The following UGGT1 variants were observed in gnomAD, a reference collection of about 807,000 sequenced individuals.
UGGT1 encodes the protein UDP-glucose:glycoprotein glucosyltransferase 1.
UGGT1 carries 107 observed loss-of-function variants against 203.9 expected under a neutral mutation model. That is an observed-to-expected ratio of 0.52 (90% confidence interval 0.45 to 0.62). UGGT1 has a LOEUF of 0.62. Among genes scored for constraint, UGGT1 ranks in the 20% least tolerant of loss-of-function variants. UGGT1 has a pLI of 0.00. For missense variants in UGGT1, 1,673 were observed against 1,867.2 expected (o/e 0.90, Z 1.92); for synonymous variants, 628 against 653.5 (o/e 0.96, Z 0.59).
chr2:128,129,880 T>G (rs1688792650), intron 13 of UGGT1, among the ~76,000 whole-genome samples: 1 of 152,194 alleles, frequency 6.6e-6, no homozygotes, highest in African/African-American at 2.4e-5. Context: ...TTAGTAGGAT[T>G]TTGATATTTG....
chr2:128,176,076 A>G (rs1211532988), intron 31 of UGGT1, among the ~76,000 whole-genome samples: 1 of 152,238 alleles, frequency 6.6e-6, no homozygotes, highest in East Asian at 1.9e-4. Flanking sequence ...CCTCCGGCAG[A>G]AAGAGCGAGC....
Position 128,138,793 on chromosome 2 carries a change from G to T in UGGT1, c.1660G>T (p.Ala554Ser). The change falls in exon 16 of 41, where the codon GCA (alanine) becomes TCA (serine). Residue 554 changes from alanine (A) to serine (S), a missense_variant. Physicochemically the swap from Ala to Ser is moderately conservative, Grantham distance 99 (BLOSUM62 1). This residue lies in a region of UGGT1 where 1,073 missense variants were observed against 1,078.7 expected (regional missense o/e 0.99). Coordinates refer to ENST00000259253, the MANE Select transcript of UGGT1 (RefSeq NM_020120.4). ...MQDAGVAVLR[A>S]YNYVAQEVDD... ...AGATGCTGGAGTGGCTGTTCTTAGAGCATATAATTATGTTGCCCAAGAAGT... is the reference window on the plus strand; with the variant it reads ...AGATGCTGGAGTGGCTGTTCTTAGATCATATAATTATGTTGCCCAAGAAGT... The T allele has an allele frequency of 1.2e-6, 2 of 1,614,108 alleles. No individual in the cohort carries two copies. Among genetic ancestry groups the T allele is most frequent in the Non-Finnish European group, 1.7e-6 (2 of 1,180,008 alleles).
intron 19 of UGGT1, among the ~76,000 whole-genome samples, 158 bp downstream of exon 19, chr2:128,153,062 G>A (rs1052098939): frequency 6.6e-6 from 1 of 152,058 alleles, no homozygotes; most frequent in Non-Finnish European, 1.5e-5. Context: ...TGCACCTTTA[G>A]TTCATAATAT....
chr2:128,132,914 C>T (rs1041190428), intron 13 of UGGT1, among the ~76,000 whole-genome samples: 5 of 151,958 alleles, frequency 3.3e-5, no homozygotes, highest in Non-Finnish European at 7.4e-5. Flanking sequence ...ATAATATTGC[C>T]CAGGCTGGTC....
intron 17 of UGGT1, among the ~76,000 whole-genome samples, chr2:128,145,501 A>AACACACACACACACACAC (rs538390479): frequency 9.5e-6 from 1 of 104,860 alleles, no homozygotes; most frequent in Non-Finnish European, 2.1e-5. Context: ...CACACACACA[A>AACACACACACACACACAC]ACACACACAC....
At position 128,171,299 on chromosome 2, in the gene UGGT1, G is replaced by A. The variant is rs780280771; in HGVS notation, c.3104+15G>A. On this transcript the variant is annotated intron_variant, in intron 28 of 40. Transcript: ENST00000259253. ...CCTTTAAAAAGGTAAAACATGCTAT[G>A]TAAGAAAACAGTTGAAGAAATTGTA... 6 of 1,604,476 alleles carry A rather than the reference G, an allele frequency of 3.7e-6. No individual in the cohort carries two copies. The highest frequency in any genetic ancestry group is 5.1e-6 in the Non-Finnish European group (6 of 1,175,334).
rs1205509257 is a variant in UGGT1 at position 128,129,030 on chromosome 2, C to G, written c.1228C>G (p.Leu410Val). The G allele has an allele frequency of 6.4e-7, 1 of 1,569,546 alleles. No homozygotes were observed. Among genetic ancestry groups the G allele is most frequent in the Admixed American group, 2.0e-5 (1 of 49,486 alleles). Reference sequence around the variant, plus strand: ...ATCTCTTTTTGTTTTTCCCCCCAGTCTGTTTGATGTGTTGAGGAATGAAGC... The same window carrying G: ...ATCTCTTTTTGTTTTTCCCCCCAGTGTGTTTGATGTGTTGAGGAATGAAGC... Reference protein sequence around the residue: ...MDLDTQDIFSLFDVLRNEARV... With the variant: ...MDLDTQDIFSVFDVLRNEARV... The change falls in exon 13 of 41, where the codon CTG (leucine) becomes GTG (valine). Residue 410 changes from leucine (L) to valine (V), a missense_variant and splice_region_variant. Physicochemically the swap from Leu to Val is conservative, Grantham distance 32. This residue lies in a region of UGGT1 where 1,073 missense variants were observed against 1,078.7 expected (regional missense o/e 0.99). Transcript: ENST00000259253.
At chr2:128,151,915 T>C (rs1475022240) in intron 18 of UGGT1, among the ~76,000 whole-genome samples, 1 of 152,216 alleles carries the variant, frequency 6.6e-6, no homozygotes, top group East Asian at 1.9e-4. Flanking sequence ...AGTATACCTG[T>C]GTGTTAAATA....
intron 18 of UGGT1, among the ~76,000 whole-genome samples, chr2:128,146,757 T>C (rs1388942422): frequency 1.3e-5 from 2 of 152,200 alleles, no homozygotes; most frequent in African/African-American, 2.4e-5. Context: ...TTGCCCATTT[T>C]GTCCTACTCC....
At chr2:128,131,635 T>C (rs893017649) in intron 13 of UGGT1, among the ~76,000 whole-genome samples, 10 of 151,522 alleles carry the variant, frequency 6.6e-5, no homozygotes, top group African/African-American at 2.2e-4. Context: ...TTGTGTTGCA[T>C]TGCGTTGTGT....
chr2:128,142,588 A>C (rs951187813), intron 16 of UGGT1, among the ~76,000 whole-genome samples: 8 of 150,680 alleles, frequency 5.3e-5, no homozygotes, highest in Non-Finnish European at 1.2e-4. Context: ...CCATCTCAAA[A>C]AAAAAAAAAA....
At chr2:128,093,016 AC>A (rs1686941081) in intron 1 of UGGT1, among the ~76,000 whole-genome samples, 1 of 152,228 alleles carries the variant, frequency 6.6e-6, no homozygotes, top group Non-Finnish European at 1.5e-5. Flanking sequence ...ATGAAGACAT[AC>A]TCAAAGCAGA....
intron 12 of UGGT1, among the ~76,000 whole-genome samples, chr2:128,127,935 C>T (rs916945074): frequency 6.6e-6 from 1 of 151,958 alleles, no homozygotes; most frequent in Non-Finnish European, 1.5e-5. Flanking sequence ...TTAGCCATGC[C>T]TAGTAGTGTG....
intron 8 of UGGT1, among the ~76,000 whole-genome samples, chr2:128,116,878 C>G (rs192593841): frequency 6.6e-6 from 1 of 152,076 alleles, no homozygotes; most frequent in South Asian, 2.1e-4. Flanking sequence ...AGTTTAAGTG[C>G]GTTTTTCTTG....
Position 128,129,152 on chromosome 2 carries a change from C to T in UGGT1, c.1350C>T (p.Ala450=), listed in dbSNP as rs751793268. The T allele has an allele frequency of 1.8e-5, 29 of 1,612,122 alleles. No homozygotes were observed. Among genetic ancestry groups the T allele is most frequent in the Middle Eastern group, 3.3e-4 (2 of 6,082 alleles). ...TCCAGCCCTCTGAGGCAGACTATGC[C>T]GTAGACATCCGGAGTCCTGCTATTT... The part of the protein sequence containing the change: ...LNIQPSEADY[A]VDIRSPAISW... The change falls in exon 13 of 41, where the codon GCC becomes GCT. Residue 450 remains alanine, a synonymous_variant. Transcript: ENST00000259253.
intron 3 of UGGT1, among the ~76,000 whole-genome samples, chr2:128,105,254 GTTTTA>G (rs1208148251): frequency 1.3e-5 from 2 of 150,726 alleles, no homozygotes; most frequent in East Asian, 3.9e-4. Context: ...GAATCTTTTT[GTTTTA>G]TTTTTATTTT....
At chr2:128,188,225 A>T (rs1017459831) in intron 40 of UGGT1, among the ~76,000 whole-genome samples, 2 of 151,664 alleles carry the variant, frequency 1.3e-5, no homozygotes, top group African/African-American at 4.8e-5. Context: ...TTGTAGTTTT[A>T]GTAGAGACAG....
chr2:128,136,440 A>G (rs1689132378), intron 15 of UGGT1, among the ~76,000 whole-genome samples: 1 of 26,240 alleles, frequency 3.8e-5, no homozygotes, highest in African/African-American at 5.9e-5. Flanking sequence ...TGCATTTTCC[A>G]GAACTAGGTT....
At chr2:128,118,833 T>G (rs1428651279) in intron 8 of UGGT1, among the ~76,000 whole-genome samples, 2 of 151,918 alleles carry the variant, frequency 1.3e-5, no homozygotes, top group Non-Finnish European at 2.9e-5. Context: ...TCCTCTCACT[T>G]CAGTTTTTGT....
Sources: gnomAD v4.1 joint callset for allele counts (sites outside exome capture counted in the v4.1 genomes callset) on GRCh38, gnomAD v4.1.1 for gene constraint, gnomAD v4.1.1 regional missense constraint, MANE v1.5 for transcripts, NCBI Gene and HGNC (gene_info 2026-07-23, HGNC 2026-07-21) for gene names.